CNGB1: variants seen among roughly 807,000 people sequenced by gnomAD.
The protein encoded by CNGB1 is cyclic nucleotide gated channel subunit beta 1.
CNGB1 carries 126 observed loss-of-function variants against 151.7 expected under a neutral mutation model. The observed-to-expected ratio is 0.83, with a 90% CI of 0.72 to 0.96. CNGB1 has a LOEUF of 0.96. CNGB1 is among the 40% of genes least tolerant of loss of function. CNGB1 has a pLI of 0.00. For missense variants in CNGB1, 1,698 were observed against 1,627.0 expected, an observed-to-expected ratio of 1.04 and a Z score of -0.75; for synonymous variants, 623 against 635.1, an observed-to-expected ratio of 0.98 and a Z score of 0.29.
intron 14 of CNGB1, among the ~76,000 whole-genome samples, chr16:57,948,357 G>A (rs1441621288): frequency 7.1e-6 from 1 of 141,326 alleles, no homozygotes; most frequent in African/African-American, 2.6e-5. Context: ...GTTTTGCTAT[G>A]TTGGCTAGGC....
At chr16:57,949,894 C>T (rs1480145548) in intron 13 of CNGB1, among the ~76,000 whole-genome samples, 1 of 152,202 alleles carries the variant, frequency 6.6e-6, no homozygotes, top group Non-Finnish European at 1.5e-5. Flanking sequence ...GACGTATTCA[C>T]ACATGTGCAA....
intron 25 of CNGB1, 33 bp downstream of exon 25, chr16:57,911,720 A>G: frequency 6.2e-7 from 1 of 1,613,060 alleles, no homozygotes; most frequent in East Asian, 2.2e-5. Context: ...AAGGTCACCC[A>G]GGCATGGCCC....
Position 57,958,501 on chromosome 16 carries a change from A to G in CNGB1, c.762-16T>C. Reference sequence around the variant, plus strand: ...TGCCACCAGCCTGCAGGTGGGAGAGAGTGTGCGGTGTCCAGGTGGGAAGGG... The same window carrying G: ...TGCCACCAGCCTGCAGGTGGGAGAGGGTGTGCGGTGTCCAGGTGGGAAGGG... On this transcript the variant is annotated splice_polypyrimidine_tract_variant and intron_variant, in intron 10 of 32. Transcript: ENST00000251102. 6.2e-7 allele frequency: 1 copy of G among 1,611,952 alleles called. No individual in the cohort carries two copies.
intron 30 of CNGB1, 56 bp downstream of exon 30, chr16:57,897,740 G>T: frequency 1.9e-6 from 3 of 1,579,250 alleles, no homozygotes; most frequent in East Asian, 4.5e-5. Flanking sequence ...CCCGCTGGCC[G>T]CCTTCTTTCC....
intron 17 of CNGB1, among the ~76,000 whole-genome samples, chr16:57,927,512 T>C (rs1168395900): frequency 6.6e-6 from 1 of 152,230 alleles, no homozygotes; most frequent in Admixed American, 6.5e-5. Flanking sequence ...ATTGTCTATC[T>C]TGGCCCCTCT....
rs745772172 is a variant in CNGB1, at chr16:57,950,501, A to G, written c.914T>C (p.Val305Ala). ...LPGGQVEPDL[V>A]LEEVEPPWED... The stretch of plus-strand genomic sequence containing the variant: ...CCAGGGCGGTTCAACCTCCTCTAGG[A>G]CAAGGTCAGGCTCCACTTGTCCTCC... Residue 305 changes from valine to alanine, a missense_variant, in exon 13 of 33, where the codon GTC (valine) becomes GCC (alanine). Transcript: ENST00000251102. 2 of 1,614,068 alleles carry G rather than the reference A, an allele frequency of 1.2e-6. No individual in the cohort carries two copies. The highest frequency in any genetic ancestry group is 1.7e-6 in the Non-Finnish European group (2 of 1,180,048).
chr16:57,951,384 C>A (rs1204482913), intron 12 of CNGB1, among the ~76,000 whole-genome samples: 1 of 152,156 alleles, frequency 6.6e-6, no homozygotes, highest in Non-Finnish European at 1.5e-5. Context: ...CAGGGTCTTG[C>A]TCTATTGCTC....
intron 29 of CNGB1, among the ~76,000 whole-genome samples, chr16:57,900,110 A>C (rs1209918136): frequency 6.6e-6 from 1 of 152,176 alleles, no homozygotes; most frequent in Non-Finnish European, 1.5e-5. Flanking sequence ...GGGAGGTACT[A>C]TCAACATCCC....
rs776412320 is a variant in CNGB1 at position 57,950,494 on chromosome 16, C to T, written c.921G>A (p.Glu307=). The T allele has an allele frequency of 2.5e-6, 4 of 1,614,108 alleles. No homozygotes were observed. The African/African-American group carries it at 5.3e-5, about 22-fold the overall frequency. ...GGQVEPDLVL[E]EVEPPWEDAH... ...CATCCTCCCAGGGCGGTTCAACCTC[C>T]TCTAGGACAAGGTCAGGCTCCACTT... Residue 307 remains glutamate (E), a synonymous_variant, in exon 13 of 33, where the codon GAG becomes GAA. Coordinates refer to ENST00000251102, the MANE Select transcript of CNGB1 (RefSeq NM_001297.5).
chr16:57,944,688 C>T (rs1160316531), intron 14 of CNGB1, among the ~76,000 whole-genome samples: 1 of 151,856 alleles, frequency 6.6e-6, no homozygotes, highest in Non-Finnish European at 1.5e-5. Context: ...GGCACGGTGG[C>T]TCATGCCTGT....
At chr16:57,890,762 C>A (rs992605430) in intron 31 of CNGB1, among the ~76,000 whole-genome samples, 3 of 152,236 alleles carry the variant, frequency 2.0e-5, no homozygotes, top group Non-Finnish European at 2.9e-5. Flanking sequence ...CCCTCACCAA[C>A]TCAGATGTCC....
intron 16 of CNGB1, among the ~76,000 whole-genome samples, chr16:57,935,717 G>A (rs1961491187): frequency 6.6e-6 from 1 of 151,934 alleles, no homozygotes; most frequent in South Asian, 2.1e-4. Context: ...GGTGGGAGCT[G>A]GGGGATGCTT....
intron 31 of CNGB1, among the ~76,000 whole-genome samples, chr16:57,893,369 G>A (rs529615818): frequency 8.5e-4 from 129 of 152,142 alleles, no homozygotes; most frequent in African/African-American, 2.9e-3. Context: ...TGATCCTCCC[G>A]CCTCAGCCTC....
At chr16:57,946,106 G>T (rs531501777) in intron 14 of CNGB1, among the ~76,000 whole-genome samples, 23 of 152,234 alleles carry the variant, frequency 1.5e-4, no homozygotes, top group African/African-American at 5.3e-4. Flanking sequence ...CTTCCAGAAA[G>T]TTCCCAAGTC....
intron 16 of CNGB1, among the ~76,000 whole-genome samples, chr16:57,933,911 C>T (rs937689261): frequency 2.0e-5 from 3 of 151,700 alleles, no homozygotes; most frequent in African/African-American, 7.3e-5. Flanking sequence ...TTAGTGGAGA[C>T]GGGGTTTCAC....
rs545540719 is a variant in CNGB1 at position 57,904,741 on chromosome 16, A to C, written c.2627T>G (p.Ile876Ser). 1.2e-5 allele frequency: 19 copies of C among 1,614,056 alleles called. No homozygotes were observed. Among genetic ancestry groups the C allele is most frequent in the Admixed American group, 3.3e-5 (2 of 60,006 alleles). Residue 876 changes from isoleucine to serine, a missense_variant, in exon 26 of 33, where the codon ATC becomes AGC. Ile to Ser is a moderately radical substitution (Grantham distance 142). Transcript: ENST00000251102. Reference sequence around the variant, plus strand: ...GGGCTGGTGCCCCGATACCTGTCCGATCATCACAGAGAAAGCAAAGACGCC... The same window carrying C: ...GGGCTGGTGCCCCGATACCTGTCCGCTCATCACAGAGAAAGCAAAGACGCC... ...FTGVFAFSVM[I>S]GQMRDVVGAA...
At chr16:57,892,683 C>A (rs1596950694) in intron 31 of CNGB1, among the ~76,000 whole-genome samples, 1 of 152,170 alleles carries the variant, frequency 6.6e-6, no homozygotes, top group Non-Finnish European at 1.5e-5. Flanking sequence ...CTCCTCTGAT[C>A]CCATACCAAG....
intron 12 of CNGB1, among the ~76,000 whole-genome samples, chr16:57,954,018 T>C (rs1231814779): frequency 6.6e-6 from 1 of 152,192 alleles, no homozygotes; most frequent in Admixed American, 6.5e-5. Context: ...GCTTTCCCTG[T>C]CTCCAATGCT....
intron 22 of CNGB1, among the ~76,000 whole-genome samples, chr16:57,915,619 C>A (rs549837054): frequency 2.6e-5 from 4 of 152,252 alleles, no homozygotes; most frequent in African/African-American, 7.2e-5. Context: ...TGGCTTCTGG[C>A]CAGGCACGGT....
Sources: allele counts gnomAD v4.1 joint callset (sites outside exome capture counted in the v4.1 genomes callset), GRCh38; gene constraint gnomAD v4.1.1; transcripts MANE v1.5; gene names NCBI Gene and HGNC (gene_info 2026-07-23, HGNC 2026-07-21).